Variants in GLDC observed in about 807,000 individuals in gnomAD.
The protein encoded by GLDC is glycine decarboxylase.
A neutral mutation model predicts 121.3 loss-of-function variants in GLDC; 104 were observed. The observed-to-expected ratio is 0.86, with a 90% confidence interval of 0.73 to 1.01. GLDC has a LOEUF of 1.01. GLDC is among the 50% of genes least tolerant of loss of function. The probability of loss-of-function intolerance (pLI) is 0.00; values close to 1 mark genes in which losing one functional copy is unlikely to be tolerated. For missense variants in GLDC, 1,429 were observed against 1,306.6 expected, an observed-to-expected ratio of 1.09 and a Z score of -1.44; for synonymous variants, 546 against 480.6, an observed-to-expected ratio of 1.14 and a Z score of -1.78.
intron 21 of GLDC, among the ~76,000 whole-genome samples, chr9:6,547,678 AC>A (rs1817425169): frequency 6.6e-6 from 1 of 152,202 alleles, no homozygotes; most frequent in South Asian, 2.1e-4. Flanking sequence ...AAGGATACTC[AC>A]GGCCACATTG....
chr9:6,562,367 C>T (rs1817774619), intron 16 of GLDC, among the ~76,000 whole-genome samples: 2 of 152,282 alleles, frequency 1.3e-5, no homozygotes, highest in African/African-American at 4.8e-5. Flanking sequence ...TTCTGTAGCA[C>T]ATGATTTCCC....
intron 3 of GLDC, among the ~76,000 whole-genome samples, chr9:6,617,843 G>C (rs900952392): frequency 5.3e-5 from 8 of 152,186 alleles, no homozygotes; most frequent in African/African-American, 1.9e-4. Context: ...TCATTGATTG[G>C]GAGCATGTAC....
At chr9:6,574,328 G>T (rs879773034) in intron 15 of GLDC, among the ~76,000 whole-genome samples, 4 of 151,998 alleles carry the variant, frequency 2.6e-5, no homozygotes, top group Admixed American at 2.6e-4. Flanking sequence ...TTAGCTGGGC[G>T]TGGTGGCGGG....
chr9:6,596,411 G>A (rs558592494), intron 8 of GLDC, among the ~76,000 whole-genome samples: 2 of 152,228 alleles, frequency 1.3e-5, no homozygotes, highest in South Asian at 4.1e-4. Flanking sequence ...TAGAGACCAA[G>A]AAAATGACAA....
intron 15 of GLDC, chr9:6,565,738 A>T (rs1817843093): frequency 1.7e-6 from 1 of 573,858 alleles, no homozygotes; most frequent in South Asian, 2.3e-5. Flanking sequence ...AAATTTCAAA[A>T]CTATACCAAA....
At chr9:6,588,367 G>T in intron 14 of GLDC, 34 bp downstream of exon 14, 1 of 1,512,332 alleles carries the variant, frequency 6.6e-7, no homozygotes, top group Non-Finnish European at 9.2e-7. Flanking sequence ...ACTGCCCCTT[G>T]CTGAGTATCC....
chr9:6,597,433 T>A (rs1482757333), intron 8 of GLDC, among the ~76,000 whole-genome samples: 2 of 152,052 alleles, frequency 1.3e-5, no homozygotes, highest in African/African-American at 4.8e-5. Flanking sequence ...ACACCTGACT[T>A]TAGAAAAGCC....
intron 21 of GLDC, among the ~76,000 whole-genome samples, chr9:6,545,376 TTAACA>T (rs1817366380): frequency 6.6e-6 from 1 of 152,170 alleles, no homozygotes; most frequent in African/African-American, 2.4e-5. Flanking sequence ...TCTGTGTATC[TTAACA>T]TATCTCAACA....
intron 17 of GLDC, among the ~76,000 whole-genome samples, chr9:6,557,406 C>T (rs749229170): frequency 4.6e-5 from 7 of 152,102 alleles, no homozygotes; most frequent in Admixed American, 6.5e-5. Context: ...CTATCCTGGC[C>T]AATACGGGGA....
chr9:6,639,668 A>AAAAT, intron 2 of GLDC: 9 of 250,594 alleles, frequency 3.6e-5, no homozygotes, highest in East Asian at 2.3e-4. Context: ...ATAAAAAAAA[A>AAAAT]GTATATATAT....
At chr9:6,605,342 T>C in intron 5 of GLDC, 64 bp from the exon 6 acceptor site, 1 of 1,547,024 alleles carries the variant, frequency 6.5e-7, no homozygotes, top group Admixed American at 1.7e-5. Flanking sequence ...TAATTAACGT[T>C]TCTTTTCCAG....
intron 2 of GLDC, among the ~76,000 whole-genome samples, chr9:6,629,959 T>TATATATATATGTATATATATATATA (rs1449751329): frequency 7.2e-5 from 4 of 55,868 alleles, no homozygotes; most frequent in Non-Finnish European, 1.2e-4. Context: ...ATATATATAT[T>TATATATATATGTATATATATATATA]TTTTTTTTTT....
At chr9:6,586,688 C>A (rs989791925) in intron 15 of GLDC, among the ~76,000 whole-genome samples, 2 of 152,194 alleles carry the variant, frequency 1.3e-5, no homozygotes, top group African/African-American at 2.4e-5. Context: ...AAAATTCACA[C>A]CCAGGTGTTG....
At chr9:6,640,965 G>T (rs963873929) in intron 2 of GLDC, among the ~76,000 whole-genome samples, 1 of 152,174 alleles carries the variant, frequency 6.6e-6, no homozygotes, top group Non-Finnish European at 1.5e-5. Context: ...TCCTTTTGTT[G>T]TTGTTGAGTG....
intron 2 of GLDC, among the ~76,000 whole-genome samples, chr9:6,625,372 G>T (rs1819213883): frequency 6.6e-6 from 1 of 152,182 alleles, no homozygotes. Flanking sequence ...CTCAATGGCT[G>T]ACTTTATTTG....
At chr9:6,558,511 G>A (rs1817681366) in intron 17 of GLDC, 48 bp downstream of exon 17, 2 of 1,606,218 alleles carry the variant, frequency 1.2e-6, no homozygotes, top group African/African-American at 1.3e-5. Context: ...ATCCCCACCA[G>A]CACTCCCCAT....
intron 1 of GLDC, 46 bp from the exon 2 acceptor site, chr9:6,644,738 G>C (rs1286204956): frequency 2.3e-6 from 3 of 1,298,414 alleles, no homozygotes; most frequent in African/African-American, 2.9e-5. Context: ...TGAGTTAAAA[G>C]AGTCACCTCT....
At chr9:6,627,584 T>A (rs538792647) in intron 2 of GLDC, among the ~76,000 whole-genome samples, 1 of 152,266 alleles carries the variant, frequency 6.6e-6, no homozygotes, top group East Asian at 1.9e-4. Context: ...TAGAATGAGC[T>A]GTCCCCTATA....
At chr9:6,614,235 G>C (rs1265204997) in intron 3 of GLDC, among the ~76,000 whole-genome samples, 1 of 151,748 alleles carries the variant, frequency 6.6e-6, no homozygotes, top group Non-Finnish European at 1.5e-5. Flanking sequence ...CTGGCTTTTG[G>C]TTTTTGTTTT....
Sources: gnomAD v4.1 joint callset for allele counts (sites outside exome capture counted in the v4.1 genomes callset) on GRCh38, gnomAD v4.1.1 for gene constraint, MANE v1.5 for transcripts, NCBI Gene and HGNC (gene_info 2026-07-23, HGNC 2026-07-21) for gene names.